Variants in MVB12B observed in about 807,000 individuals in gnomAD.
MVB12B encodes the protein ESCRT-I complex subunit MVB12B.
A neutral mutation model predicts 41.6 loss-of-function variants in MVB12B; 16 were observed. The observed-to-expected ratio is 0.38, with a 90% CI of 0.26 to 0.58. The LOEUF (loss-of-function observed/expected upper bound fraction) is 0.58. MVB12B is among the 20% of genes least tolerant of loss of function. The pLI is 0.62. For missense variants in MVB12B, 274 were observed against 380.2 expected (o/e 0.72, Z 2.32); for synonymous variants, 133 against 139.7 (o/e 0.95, Z 0.34).
intron 7 of MVB12B, among the ~76,000 whole-genome samples, chr9:126,474,649 A>G (rs915437767): frequency 1.2e-4 from 19 of 152,274 alleles, no homozygotes; most frequent in Admixed American, 1.2e-3. Flanking sequence ...ATGTGCAGAC[A>G]TTTGATTATG....
intron 7 of MVB12B, among the ~76,000 whole-genome samples, chr9:126,469,848 C>T (rs866738522): frequency 3.3e-5 from 5 of 152,180 alleles, no homozygotes; most frequent in African/African-American, 4.8e-5. Context: ...CACTGAGTTG[C>T]GTTTTATCTT....
intron 9 of MVB12B, among the ~76,000 whole-genome samples, chr9:126,498,786 G>A (rs1482418047): frequency 1.3e-5 from 2 of 152,232 alleles, no homozygotes; most frequent in East Asian, 3.8e-4. Flanking sequence ...GCCCTCTAGA[G>A]TGTTTAGTAT....
intron 7 of MVB12B, among the ~76,000 whole-genome samples, chr9:126,452,272 G>T (rs781550737): frequency 6.6e-6 from 1 of 152,202 alleles, no homozygotes; most frequent in Non-Finnish European, 1.5e-5. Flanking sequence ...CATTCAGCCA[G>T]CCCTGAGCCC....
intron 2 of MVB12B, among the ~76,000 whole-genome samples, chr9:126,352,021 C>G: frequency 6.6e-6 from 1 of 151,804 alleles, no homozygotes; most frequent in African/African-American, 2.4e-5. Flanking sequence ...AATATTAAAC[C>G]AGCCTTGCAT....
At chr9:126,331,423 G>GT (rs1158876603) in intron 1 of MVB12B, among the ~76,000 whole-genome samples, 10 of 152,304 alleles carry the variant, frequency 6.6e-5, no homozygotes, top group African/African-American at 1.9e-4. Flanking sequence ...TCTTTGGAAA[G>GT]ACTTGTTATT....
rs563031954 is a variant in MVB12B at position 126,496,002 on chromosome 9, T to C, written c.874-7175T>C. On this transcript the variant is annotated intron_variant, in intron 9 of 9. Coordinates refer to ENST00000361171, the MANE Select transcript of MVB12B (RefSeq NM_033446.3). ...TGAGTTACTGTACCATGGGATGGGCTGTCACTCAGTCATGCCCAGGGGCCC... is the reference window on the plus strand; with the variant it reads ...TGAGTTACTGTACCATGGGATGGGCCGTCACTCAGTCATGCCCAGGGGCCC... Among the ~76,000 whole-genome samples, 573 of 151,976 alleles carry C rather than the reference T, an allele frequency of 3.8e-3. 1 individual carries two copies. Among genetic ancestry groups the C allele is most frequent in the Non-Finnish European group, 5.2e-3 (351 of 68,004 alleles).
chr9:126,503,380 AGG>A lies in MVB12B; in HGVS notation c.*119_*120del. 1.2e-6 allele frequency: 1 copy of A among 837,804 alleles called. No individual in the cohort carries two copies. The highest frequency in any genetic ancestry group is 1.8e-6 in the Non-Finnish European group (1 of 541,884). The allele number at this position is 837,804 out of a possible 1,614,324, so 51.9% of individuals were successfully genotyped here. On this transcript the variant is annotated 3_prime_UTR_variant, in exon 10 of 10. Transcript: ENST00000361171. ...GCCCTCCCTCCCACACTGCCCCAGC[AGG>A]GCTGGCCCGGAGACTGGGCAGCTAA...
intron 7 of MVB12B, among the ~76,000 whole-genome samples, chr9:126,470,196 G>T (rs1460266167): frequency 6.6e-6 from 1 of 152,164 alleles, no homozygotes; most frequent in Admixed American, 6.5e-5. Flanking sequence ...TAACCCAGGG[G>T]CTGTGAGTCC....
intron 7 of MVB12B, among the ~76,000 whole-genome samples, chr9:126,424,237 T>C (rs1302531105): frequency 6.6e-6 from 1 of 152,222 alleles, no homozygotes; most frequent in East Asian, 1.9e-4. Flanking sequence ...CTTTTAAATG[T>C]TTTCTCAGTG....
intron 7 of MVB12B, among the ~76,000 whole-genome samples, chr9:126,449,313 G>T (rs532327045): frequency 3.9e-5 from 6 of 152,262 alleles, no homozygotes; most frequent in African/African-American, 1.4e-4. Flanking sequence ...GAGAAGGCTC[G>T]GTGGCCGCAA....
intron 9 of MVB12B, among the ~76,000 whole-genome samples, chr9:126,487,497 C>T (rs975561207): frequency 5.9e-5 from 9 of 152,298 alleles, no homozygotes; most frequent in Admixed American, 5.2e-4. Context: ...TGGTGGCTTA[C>T]GCCTGTAATC....
intron 7 of MVB12B, chr9:126,481,061 G>A (rs1287189045): frequency 5.3e-6 from 2 of 374,076 alleles, no homozygotes; most frequent in Non-Finnish European, 9.7e-6. Context: ...TTACAGATCA[G>A]AGACCAGACT....
intron 9 of MVB12B, among the ~76,000 whole-genome samples, chr9:126,487,388 C>T (rs1833642776): frequency 6.6e-6 from 1 of 152,300 alleles, no homozygotes; most frequent in South Asian, 2.1e-4. Flanking sequence ...TCCCGCTGCT[C>T]TGTTGCTGGG....
In MVB12B at chr9:126,388,750, T is replaced by C. The variant is rs1830868228; in HGVS notation, c.409+2092T>C. Reference sequence around the variant, plus strand: ...TTAGTGGGTGTGAAATGGAATCTCCTTGTGCTTTCTGTTTGCCCTTCTCTG... The same window carrying C: ...TTAGTGGGTGTGAAATGGAATCTCCCTGTGCTTTCTGTTTGCCCTTCTCTG... On this transcript the variant is annotated intron_variant, in intron 4 of 9. Coordinates refer to ENST00000361171, the MANE Select transcript of MVB12B (RefSeq NM_033446.3). Among the ~76,000 whole-genome samples the C allele has an allele frequency of 2.0e-5, 3 of 152,348 alleles. No homozygotes were observed. The South Asian group carries it at 6.2e-4, about 32-fold the overall frequency.
chr9:126,408,324 A>G (rs577401772), intron 6 of MVB12B: 72 of 152,374 alleles, frequency 4.7e-4, no homozygotes, highest in African/African-American at 1.5e-3. Flanking sequence ...TTGTAACTAC[A>G]TCACTCCTCA....
chr9:126,411,280 A>G (rs560232454), intron 6 of MVB12B, among the ~76,000 whole-genome samples: 3 of 152,290 alleles, frequency 2.0e-5, no homozygotes, highest in Admixed American at 1.3e-4. Context: ...TTACTTTGTG[A>G]TATAGGAGAT....
chr9:126,412,987 C>T (rs1831695512), intron 6 of MVB12B, among the ~76,000 whole-genome samples: 1 of 152,160 alleles, frequency 6.6e-6, no homozygotes, highest in Non-Finnish European at 1.5e-5. Flanking sequence ...TTATTAGCCT[C>T]CTCTTATTGA....
At chr9:126,351,162 G>A (rs1156407587) in intron 2 of MVB12B, among the ~76,000 whole-genome samples, 2 of 152,138 alleles carry the variant, frequency 1.3e-5, no homozygotes, top group South Asian at 2.1e-4. Flanking sequence ...AAATGGAATT[G>A]TACTTTTAAT....
rs1554776184 is a variant in MVB12B at position 126,413,849 on chromosome 9, T to TGTGTGTGTGTGTGTGTGCGC, written c.663-8001_663-8000insGTGTGTGTGTGTGCGCGTGT. On this transcript the variant is annotated intron_variant, in intron 6 of 9. Transcript: ENST00000361171. ...GTGTGTGTGTGTGTGTGTGTGTGTG[T>TGTGTGTGTGTGTGTGTGCGC]GTGTATAAGGGTTGGGAGATCAAAG... is the stretch of plus-strand genomic sequence containing the variant. 2.7e-5 allele frequency among the ~76,000 whole-genome samples: 4 copies of TGTGTGTGTGTGTGTGTGCGC among 148,628 alleles called. No individual in the cohort carries two copies. In the East Asian group the frequency reaches 7.9e-4, roughly 29 times the overall value.
Sources: allele counts gnomAD v4.1 joint callset (sites outside exome capture counted in the v4.1 genomes callset), GRCh38; gene constraint gnomAD v4.1.1; transcripts MANE v1.5; gene names NCBI Gene and HGNC (gene_info 2026-07-23, HGNC 2026-07-21).